The following AHI1 variants were observed in gnomAD, a reference collection of about 807,000 sequenced individuals.
AHI1 encodes jouberin.
In AHI1, 123 loss-of-function variants were observed where a neutral mutation model predicts 149.3. That is an observed-to-expected ratio of 0.82 (90% confidence interval 0.71 to 0.96). The LOEUF (loss-of-function observed/expected upper bound fraction) is 0.96. AHI1 is among the 40% of genes least tolerant of loss of function. The probability of loss-of-function intolerance (pLI) is 0.00; values close to 1 mark genes in which losing one functional copy is unlikely to be tolerated. For missense variants in AHI1, 1,439 were observed against 1,422.7 expected (o/e 1.01, Z -0.18); for synonymous variants, 475 against 459.8 (o/e 1.03, Z -0.42).
intron 5 of AHI1, among the ~76,000 whole-genome samples, chr6:135,488,870 G>A (rs1562289868): frequency 6.6e-6 from 1 of 152,088 alleles, no homozygotes; most frequent in Admixed American, 6.6e-5. Flanking sequence ...AGTGGATTCT[G>A]CACTTCCACT....
At chr6:135,411,613 C>T in intron 20 of AHI1, 69 bp from the exon 21 acceptor site, 1 of 1,297,730 alleles carries the variant, frequency 7.7e-7, no homozygotes, top group Non-Finnish European at 1.0e-6. Flanking sequence ...AAAACTGTAG[C>T]ATTCAACAAA....
chr6:135,318,693 G>A (rs1372092336), intron 25 of AHI1, 77 bp from the exon 26 acceptor site: 3 of 802,790 alleles, frequency 3.7e-6, no homozygotes, highest in Admixed American at 6.1e-5. Flanking sequence ...GATGGTAGGG[G>A]CAAATATGAA....
At chr6:135,484,935 G>A (rs1794251947) in intron 5 of AHI1, among the ~76,000 whole-genome samples, 1 of 152,098 alleles carries the variant, frequency 6.6e-6, no homozygotes, top group South Asian at 2.1e-4. Context: ...ATTTCTTATG[G>A]AAATATCTGC....
intron 26 of AHI1, among the ~76,000 whole-genome samples, chr6:135,317,582 A>C (rs914646340): frequency 6.6e-6 from 1 of 151,760 alleles, no homozygotes; most frequent in Admixed American, 6.6e-5. Flanking sequence ...TCTGCATTAT[A>C]GTTTCTACCA....
chr6:135,338,186 G>C (rs1352097706), intron 24 of AHI1, among the ~76,000 whole-genome samples: 1 of 151,444 alleles, frequency 6.6e-6, no homozygotes, highest in Admixed American at 6.6e-5. Flanking sequence ...TGTAATCCCA[G>C]CTACTCGGGA....
chr6:135,287,807 C>G (rs959507180), intron 28 of AHI1, among the ~76,000 whole-genome samples: 1 of 150,678 alleles, frequency 6.6e-6, no homozygotes, highest in Non-Finnish European at 1.5e-5. Context: ...ATAAAAATAC[C>G]GGGCCGTGGC....
intron 27 of AHI1, among the ~76,000 whole-genome samples, chr6:135,291,431 T>C (rs1782340835): frequency 6.6e-6 from 1 of 150,750 alleles, no homozygotes; most frequent in Non-Finnish European, 1.5e-5. Context: ...CTAGAGTCCT[T>C]AGAAGATGGA....
At chr6:135,393,530 T>C (rs1347123612) in intron 23 of AHI1, among the ~76,000 whole-genome samples, 1 of 152,058 alleles carries the variant, frequency 6.6e-6, no homozygotes, top group Non-Finnish European at 1.5e-5. Context: ...GCGAAAAGAA[T>C]AATCTAAAGA....
chr6:135,339,175 CTGTT>C (rs1270389622), intron 24 of AHI1, among the ~76,000 whole-genome samples: 4 of 152,166 alleles, frequency 2.6e-5, no homozygotes, highest in Non-Finnish European at 4.4e-5. Context: ...TTAATGGTAA[CTGTT>C]TAACACTGCA....
At chr6:135,295,831 CTT>C (rs1783012412) in intron 27 of AHI1, among the ~76,000 whole-genome samples, 1 of 152,036 alleles carries the variant, frequency 6.6e-6, no homozygotes, top group Non-Finnish European at 1.5e-5. Flanking sequence ...CATGTCGAAA[CTT>C]AAACCGTTTA....
chr6:135,414,161 G>T (rs138258475), intron 20 of AHI1, among the ~76,000 whole-genome samples: 153 of 152,134 alleles, frequency 1.0e-3, no homozygotes, highest in African/African-American at 3.5e-3. Flanking sequence ...GAGTGCCCAG[G>T]GTGTATAGAC....
chr6:135,403,281 T>C (rs1022593123), intron 22 of AHI1, among the ~76,000 whole-genome samples: 4 of 152,180 alleles, frequency 2.6e-5, no homozygotes, highest in Non-Finnish European at 5.9e-5. Flanking sequence ...ACCAGTGAAC[T>C]GTATATTTTA....
intron 26 of AHI1, chr6:135,318,292 A>T: frequency 2.4e-6 from 1 of 424,320 alleles, no homozygotes; most frequent in Non-Finnish European, 4.2e-6. Context: ...CCCATCACTT[A>T]GGCTGTGACT....
chr6:135,377,670 G>A (rs370919194), intron 23 of AHI1, among the ~76,000 whole-genome samples: 3 of 151,764 alleles, frequency 2.0e-5, no homozygotes, highest in Admixed American at 6.6e-5. Flanking sequence ...TTGTAGTAAC[G>A]GGGTCTCACT....
At chr6:135,301,305 G>C (rs1783856080) in intron 26 of AHI1, 2 of 973,240 alleles carry the variant, frequency 2.1e-6, no homozygotes, top group Non-Finnish European at 2.4e-6. Flanking sequence ...CTATGTTTAA[G>C]TTCAATAATA....
chr6:135,375,489 A>T (rs1277197666), intron 23 of AHI1, among the ~76,000 whole-genome samples: 5 of 152,230 alleles, frequency 3.3e-5, no homozygotes, highest in African/African-American at 1.2e-4. Flanking sequence ...ATGTTTTCAT[A>T]TACATGGTGT....
At chr6:135,300,902 T>C in intron 26 of AHI1, 1 of 1,007,058 alleles carries the variant, frequency 9.9e-7, no homozygotes, top group African/African-American at 1.7e-5. Flanking sequence ...TCTAAATATA[T>C]CTTTTAGCCT....
intron 26 of AHI1, among the ~76,000 whole-genome samples, chr6:135,317,986 A>G (rs1353493328): frequency 1.3e-5 from 2 of 152,242 alleles, no homozygotes; most frequent in African/African-American, 4.8e-5. Flanking sequence ...AAGAATACTG[A>G]TTAATATCCC....
At chr6:135,296,388 C>T (rs193136659) in intron 27 of AHI1, among the ~76,000 whole-genome samples, 1 of 152,244 alleles carries the variant, frequency 6.6e-6, no homozygotes, top group East Asian at 1.9e-4. Context: ...ATTGTTAGGT[C>T]ACTTCCTGTG....
Sources: gnomAD v4.1 joint callset for allele counts (sites outside exome capture counted in the v4.1 genomes callset) on GRCh38, gnomAD v4.1.1 for gene constraint, MANE v1.5 for transcripts, NCBI Gene and HGNC (gene_info 2026-07-23, HGNC 2026-07-21) for gene names.